ELMO1: variants seen among roughly 807,000 people sequenced by gnomAD.
ELMO1 encodes engulfment and cell motility 1, also known as engulfment and cell motility protein 1.
ELMO1 carries 26 observed loss-of-function variants against 98.9 expected under a neutral mutation model. That is an observed-to-expected ratio of 0.26 (90% CI 0.19 to 0.36). The LOEUF (loss-of-function observed/expected upper bound fraction) is 0.36. ELMO1 is among the 10% of genes least tolerant of loss of function. The pLI is 1.00. For missense variants in ELMO1, 627 were observed against 935.2 expected (o/e 0.67, Z 4.30); for synonymous variants, 346 against 346.0 (o/e 1.00, Z 0.00).
intron 16 of ELMO1, among the ~76,000 whole-genome samples, chr7:36,929,033 T>A (rs1252485148): frequency 6.6e-6 from 1 of 152,116 alleles, no homozygotes; most frequent in East Asian, 1.9e-4. Context: ...ATAGTGGAGA[T>A]TACTAAGAAA....
chr7:36,970,328 A>G (rs899952049), intron 16 of ELMO1, among the ~76,000 whole-genome samples: 1 of 152,192 alleles, frequency 6.6e-6, no homozygotes, highest in Admixed American at 6.5e-5. Context: ...ACGGCATTCT[A>G]TACAATAAAA....
intron 1 of ELMO1, among the ~76,000 whole-genome samples, chr7:37,379,594 A>G (rs887341043): frequency 6.6e-6 from 1 of 152,164 alleles, no homozygotes; most frequent in African/African-American, 2.4e-5. Context: ...ATAATTTATA[A>G]CTTGTGATCT....
At chr7:37,335,816 A>T (rs1800371281) in intron 2 of ELMO1, among the ~76,000 whole-genome samples, 1 of 152,216 alleles carries the variant, frequency 6.6e-6, no homozygotes, top group African/African-American at 2.4e-5. Flanking sequence ...CACACTTGGT[A>T]GAGATGATGG....
chr7:36,926,917 TC>T (rs1444811179), intron 16 of ELMO1, among the ~76,000 whole-genome samples: 1 of 152,342 alleles, frequency 6.6e-6, no homozygotes, highest in East Asian at 1.9e-4. Flanking sequence ...AAAATTAAAA[TC>T]CCCGTAACTT....
chr7:37,040,562 C>T (rs1223863186), intron 15 of ELMO1, among the ~76,000 whole-genome samples: 1 of 152,206 alleles, frequency 6.6e-6, no homozygotes, highest in East Asian at 1.9e-4. Context: ...ATCCCCACTC[C>T]TCCCCAGTGT....
intron 16 of ELMO1, among the ~76,000 whole-genome samples, chr7:37,005,779 T>A (rs1793076657): frequency 6.6e-6 from 1 of 151,698 alleles, no homozygotes; most frequent in African/African-American, 2.4e-5. Context: ...TTCCTGAAGA[T>A]GTTTGCTCTC....
intron 16 of ELMO1, among the ~76,000 whole-genome samples, chr7:36,955,446 G>T (rs1451120319): frequency 2.6e-5 from 4 of 152,160 alleles, no homozygotes; most frequent in Admixed American, 6.5e-5. Context: ...CTTCCTTTAT[G>T]AAAACATCCA....
intron 16 of ELMO1, among the ~76,000 whole-genome samples, chr7:36,980,052 C>T (rs1790913628): frequency 6.6e-6 from 1 of 152,214 alleles, no homozygotes; most frequent in African/African-American, 2.4e-5. Flanking sequence ...TCATCACTTA[C>T]AGCTCAAAGG....
rs12537386 is a variant in ELMO1, at chr7:37,104,222, G to A, written c.1192-7495C>T. Among the ~76,000 whole-genome samples, 1,029 of 151,876 alleles carry A rather than the reference G, an allele frequency of 6.8e-3. 26 individuals carry two copies. The highest frequency in any genetic ancestry group is 0.043 in the Admixed American group (651 of 15,268). On this transcript the variant is annotated intron_variant, in intron 14 of 21. Coordinates refer to ENST00000310758, the MANE Select transcript of ELMO1 (RefSeq NM_014800.11). Reference sequence around the variant, plus strand: ...CATCCACAAACTCAGGTGATCTTATGCCTGAGTGAAGAATATAATTGTTAC... The same window carrying A: ...CATCCACAAACTCAGGTGATCTTATACCTGAGTGAAGAATATAATTGTTAC...
intron 15 of ELMO1, among the ~76,000 whole-genome samples, chr7:37,059,078 T>A (rs74596811): frequency 0.031 from 4,684 of 151,940 alleles, 115 homozygotes; most frequent in African/African-American, 0.066. Context: ...CAGATGAGAG[T>A]TTCATGCTGG....
chr7:37,097,515 C>T (rs996177024), intron 14 of ELMO1, among the ~76,000 whole-genome samples: 5 of 151,608 alleles, frequency 3.3e-5, no homozygotes, highest in African/African-American at 4.8e-5. Flanking sequence ...ACCCGGGAAG[C>T]GGAGGTTGCA....
chr7:37,310,396 T>A (rs906195904), intron 4 of ELMO1, among the ~76,000 whole-genome samples: 1 of 152,080 alleles, frequency 6.6e-6, no homozygotes, highest in African/African-American at 2.4e-5. Context: ...ATGCTTAGGA[T>A]TAGGGATGAC....
chr7:37,433,326 T>A (rs1805009929), intron 1 of ELMO1, among the ~76,000 whole-genome samples: 1 of 152,166 alleles, frequency 6.6e-6, no homozygotes, highest in African/African-American at 2.4e-5. Flanking sequence ...TCCAGGCTAC[T>A]AAGAGAGAAG....
At chr7:36,993,115 G>A (rs949810891) in intron 16 of ELMO1, among the ~76,000 whole-genome samples, 1 of 152,162 alleles carries the variant, frequency 6.6e-6, no homozygotes, top group African/African-American at 2.4e-5. Flanking sequence ...TAGAGATGAA[G>A]GCAGTCAATT....
chr7:37,187,909 T>G (rs1303937269), intron 13 of ELMO1, among the ~76,000 whole-genome samples: 2 of 152,128 alleles, frequency 1.3e-5, no homozygotes, highest in African/African-American at 4.8e-5. Context: ...TTTCTAGAAA[T>G]TTCTATCCCA....
chr7:37,412,822 G>C (rs1008010828), intron 1 of ELMO1, among the ~76,000 whole-genome samples: 1 of 152,122 alleles, frequency 6.6e-6, no homozygotes, highest in Non-Finnish European at 1.5e-5. Flanking sequence ...CATGTCATAA[G>C]GACACTCAAG....
At chr7:37,423,119 C>T (rs867600409) in intron 1 of ELMO1, among the ~76,000 whole-genome samples, 1 of 152,234 alleles carries the variant, frequency 6.6e-6, no homozygotes, top group Non-Finnish European at 1.5e-5. Context: ...TTCTGTGTTA[C>T]AGGTTATCAC....
chr7:37,216,528 G>T, intron 11 of ELMO1, 117 bp downstream of exon 11: 2 of 1,192,680 alleles, frequency 1.7e-6, no homozygotes, highest in Non-Finnish European at 2.4e-6. Context: ...AGTTCCTACT[G>T]CTTCACCACA....
chr7:37,331,333 CTTTTTTTTTT>C (rs776303689), intron 2 of ELMO1, among the ~76,000 whole-genome samples: 3 of 28,736 alleles, frequency 1.0e-4, no homozygotes, highest in South Asian at 2.1e-3. Flanking sequence ...CCACGCCTGG[CTTTTTTTTTT>C]TTTTTTTTTT....
Sources: allele counts gnomAD v4.1 joint callset (sites outside exome capture counted in the v4.1 genomes callset), GRCh38; gene constraint gnomAD v4.1.1; transcripts MANE v1.5; gene names NCBI Gene and HGNC (gene_info 2026-07-23, HGNC 2026-07-21).